The following AOPEP variants were observed in gnomAD, a reference collection of about 807,000 sequenced individuals.
The protein encoded by AOPEP is aminopeptidase O.
A neutral mutation model predicts 98.1 loss-of-function variants in AOPEP; 77 were observed. The ratio of observed to expected loss-of-function variants is 0.78; its 90% CI spans 0.65 to 0.95. The LOEUF (loss-of-function observed/expected upper bound fraction) is 0.95. Among genes scored for constraint, AOPEP ranks in the 40% least tolerant of loss-of-function variants. The probability of loss-of-function intolerance (pLI) is 0.00; values close to 1 mark genes in which losing one functional copy is unlikely to be tolerated. For synonymous variants in AOPEP, 346 were observed against 365.3 expected, an observed-to-expected ratio of 0.95 and a Z score of 0.60; for missense variants, 1,024 against 1,024.7, an observed-to-expected ratio of 1.00 and a Z score of 0.01.
intron 5 of AOPEP, chr9:94,921,094 A>G (rs1439925993): frequency 6.6e-6 from 1 of 152,152 alleles, no homozygotes; most frequent in African/African-American, 2.4e-5. Context: ...AAGACAAGAA[A>G]GAAACGTTTT....
chr9:94,818,506 G>A (rs184343665), intron 5 of AOPEP, among the ~76,000 whole-genome samples: 104 of 152,252 alleles, frequency 6.8e-4, no homozygotes, highest in African/African-American at 2.2e-3. Context: ...GAATTTCTCC[G>A]TTTCAGAAGG....
In AOPEP at chr9:94,792,829, G is replaced by A. The variant is rs750455833; in HGVS notation, c.1029G>A (p.Val343=). Residue 343 remains valine (V), a synonymous_variant, in exon 4 of 17, where the codon GTG becomes GTA. Transcript: ENST00000375315. ...CAGCCTCCACCTTCACAATTGCAGT[G>A]GGATGCTGGACAGAAATGAAGATGG... The part of the protein sequence containing the change: ...PMPASTFTIA[V]GCWTEMKMET... 6.8e-6 allele frequency: 11 copies of A among 1,613,580 alleles called. No individual in the cohort carries two copies. In the Admixed American group the frequency reaches 1.8e-4, roughly 27 times the overall value.
chr9:94,885,348 C>CCAA (rs2048097130), intron 5 of AOPEP, among the ~76,000 whole-genome samples: 1 of 35,952 alleles, frequency 2.8e-5, no homozygotes, highest in Non-Finnish European at 5.1e-5. Context: ...GATCCTGTCT[C>CCAA]AAAAAAAAAA....
chr9:95,096,753 G>A, the AOPEP span, among the ~76,000 whole-genome samples: 13 of 152,240 alleles, frequency 8.5e-5, no homozygotes, highest in African/African-American at 2.7e-4. Flanking sequence ...CCCCACCCAT[G>A]TTTCCCTTCA....
chr9:94,776,753 A>G (rs1178580285), intron 3 of AOPEP, among the ~76,000 whole-genome samples: 1 of 152,214 alleles, frequency 6.6e-6, no homozygotes, highest in Non-Finnish European at 1.5e-5. Flanking sequence ...TTTACTTAAT[A>G]AAACTTGGGA....
intron 1 of AOPEP, among the ~76,000 whole-genome samples, chr9:94,754,182 A>T (rs1836470941): frequency 6.6e-6 from 1 of 152,244 alleles, no homozygotes; most frequent in African/African-American, 2.4e-5. Flanking sequence ...TCTAATTCTG[A>T]AATTATTGAA....
intron 2 of AOPEP, among the ~76,000 whole-genome samples, chr9:94,767,431 A>G (rs991296792): frequency 1.3e-5 from 2 of 152,256 alleles, no homozygotes; most frequent in African/African-American, 4.8e-5. Flanking sequence ...ACAGAAAATA[A>G]CAAATCGCAG....
chr9:95,101,324 G>C, the AOPEP span: 1 of 357,676 alleles, frequency 2.8e-6, no homozygotes, highest in Non-Finnish European at 5.2e-6. Context: ...AATGGTTCAT[G>C]ACCAAATTCT....
the AOPEP span, among the ~76,000 whole-genome samples, chr9:95,102,483 C>T: frequency 2.6e-5 from 4 of 152,154 alleles, no homozygotes; most frequent in African/African-American, 9.7e-5. Context: ...TACAATTTAG[C>T]TGTGTGGGGA....
At chr9:94,798,355 A>G (rs909737419) in intron 4 of AOPEP, among the ~76,000 whole-genome samples, 7 of 152,224 alleles carry the variant, frequency 4.6e-5, no homozygotes, top group Non-Finnish European at 1.0e-4. Context: ...TTTTATGCCC[A>G]GAGAGATTCT....
At chr9:95,108,153 G>A in the AOPEP span, among the ~76,000 whole-genome samples, 2 of 152,078 alleles carry the variant, frequency 1.3e-5, no homozygotes, top group Non-Finnish European at 2.9e-5. Flanking sequence ...TTTTTCCCTG[G>A]AAGTCAAGGC....
intron 5 of AOPEP, among the ~76,000 whole-genome samples, chr9:94,840,128 T>C (rs1236724123): frequency 6.6e-6 from 1 of 152,224 alleles, no homozygotes; most frequent in Non-Finnish European, 1.5e-5. Context: ...TGACATGAGC[T>C]GTAGGTTTTT....
At chr9:95,009,938 G>GAA (rs914182718) in intron 13 of AOPEP, among the ~76,000 whole-genome samples, 1 of 139,670 alleles carries the variant, frequency 7.2e-6, no homozygotes, top group African/African-American at 2.6e-5. Context: ...TCTTTTAAGT[G>GAA]AAAAAAAAAA....
At chr9:94,743,893 T>C (rs1833831844) in intron 1 of AOPEP, among the ~76,000 whole-genome samples, 1 of 152,206 alleles carries the variant, frequency 6.6e-6, no homozygotes, top group African/African-American at 2.4e-5. Context: ...CTGCGGTAGA[T>C]GTGGTCAGAG....
chr9:94,845,860 A>G (rs143631549), intron 5 of AOPEP, among the ~76,000 whole-genome samples: 1 of 152,062 alleles, frequency 6.6e-6, no homozygotes, highest in Non-Finnish European at 1.5e-5. Flanking sequence ...TGGGAGGCCA[A>G]GGTGGGGGTG....
chr9:94,826,333 C>G (rs1254538635), intron 5 of AOPEP, among the ~76,000 whole-genome samples: 1 of 152,172 alleles, frequency 6.6e-6, no homozygotes, highest in African/African-American at 2.4e-5. Context: ...CTCCTCTTCC[C>G]CGCAGCCCTG....
the AOPEP span, chr9:95,100,296 C>T: frequency 4.3e-6 from 1 of 232,714 alleles, no homozygotes; most frequent in Non-Finnish European, 8.5e-6. Flanking sequence ...TACCAGCACA[C>T]CCTTCTGACT....
chr9:94,857,134 G>T (rs2044320059), intron 5 of AOPEP, among the ~76,000 whole-genome samples: 1 of 152,164 alleles, frequency 6.6e-6, no homozygotes, highest in African/African-American at 2.4e-5. Flanking sequence ...CTTTGCTCAG[G>T]ACATTTTCTT....
chr9:95,070,157 G>A (rs116364011), intron 14 of AOPEP, among the ~76,000 whole-genome samples: 1,961 of 152,318 alleles, frequency 0.013, 49 homozygotes, highest in African/African-American at 0.044. Flanking sequence ...AAGCCCCTGG[G>A]GCAGTCCCCC....
Sources: allele counts gnomAD v4.1 joint callset (sites outside exome capture counted in the v4.1 genomes callset), GRCh38; gene constraint gnomAD v4.1.1; transcripts MANE v1.5; gene names NCBI Gene and HGNC (gene_info 2026-07-23, HGNC 2026-07-21).